The following MYO16 variants were observed in gnomAD, a reference collection of about 807,000 sequenced individuals.
MYO16 encodes the protein unconventional myosin-XVI.
A neutral mutation model predicts 205.3 loss-of-function variants in MYO16; 94 were observed. The ratio of observed to expected loss-of-function variants is 0.46; its 90% CI spans 0.39 to 0.54. The LOEUF (loss-of-function observed/expected upper bound fraction) is 0.54. MYO16 is among the 20% of genes least tolerant of loss of function. The pLI is 0.00. For synonymous variants in MYO16, 988 were observed against 954.0 expected (o/e 1.04, Z -0.66); for missense variants, 2,315 against 2,387.5 (o/e 0.97, Z 0.63).
At chr13:108,624,781 CTGAGTGTGTGTGTGTG>C (rs1298499591), upstream of MYO16, among the ~76,000 whole-genome samples, 13 of 121,632 alleles carry the variant, frequency 1.1e-4, no homozygotes, top group East Asian at 5.0e-4. Context: ...CCCATATAGC[CTGAGTGTGTGTGTGTG>C]TGTGTGTGTG....
upstream of MYO16, among the ~76,000 whole-genome samples, chr13:108,595,167 G>A (rs1397433500): frequency 1.3e-5 from 2 of 152,092 alleles, no homozygotes; most frequent in African/African-American, 2.4e-5. Context: ...TCTTAAATTA[G>A]CTCTAATTGT....
Position 109,125,163 on chromosome 13 carries a change from G to T in MYO16, c.3587G>T (p.Arg1196Ile). 6.2e-7 allele frequency: 1 copy of T among 1,614,146 alleles called. No individual in the cohort carries two copies. Among genetic ancestry groups the T allele is most frequent in the Non-Finnish European group, 8.5e-7 (1 of 1,180,008 alleles). Residue 1196 changes from arginine (R) to isoleucine (I), a missense_variant, in exon 30 of 35, where the codon AGA becomes ATA. Around this residue, in one of 3 missense-constraint regions of MYO16, gnomAD observed 1,097 missense variants for 1,092.0 expected, o/e 1.00. Transcript: ENST00000457511. The surrounding 1 kb of genome is among the most constrained non-coding windows in gnomAD (Gnocchi z 4.0). ...CACCTGCTTCAGAGAATAAGCATCA[G>T]ACAACAAGAGGTGACTTCTATCAAT... is the stretch of plus-strand genomic sequence containing the variant. ...RQHLLQRISI[R>I]QQEVTSINSF...
intron 4 of MYO16, among the ~76,000 whole-genome samples, chr13:108,735,288 T>A (rs1336868102): frequency 1.8e-5 from 2 of 108,572 alleles, no homozygotes; most frequent in East Asian, 3.3e-4. Flanking sequence ...CCGGCCCTGG[T>A]GTGTGATGTT....
chr13:108,968,975 C>T (rs1458152539), intron 20 of MYO16, among the ~76,000 whole-genome samples: 1 of 152,196 alleles, frequency 6.6e-6, no homozygotes, highest in Non-Finnish European at 1.5e-5. Flanking sequence ...TGTAAGAAAA[C>T]CTCAAGACTG....
chr13:108,690,673 C>T (rs772960523), intron 2 of MYO16, among the ~76,000 whole-genome samples: 6 of 152,048 alleles, frequency 3.9e-5, no homozygotes, highest in Non-Finnish European at 5.9e-5. Context: ...GTCTCCAGCA[C>T]TTTTTTGGGT....
chr13:109,149,541 A>C (rs1877535679), intron 32 of MYO16, among the ~76,000 whole-genome samples: 1 of 152,210 alleles, frequency 6.6e-6, no homozygotes, highest in African/African-American at 2.4e-5. Context: ...GAAAACAATA[A>C]AATTAAAATA....
intron 1 of MYO16, among the ~76,000 whole-genome samples, chr13:108,656,444 C>T (rs1272366460): frequency 1.3e-5 from 2 of 152,102 alleles, no homozygotes; most frequent in African/African-American, 4.8e-5. Flanking sequence ...TTATCAGCAA[C>T]ATGAAAATGG....
At chr13:109,014,809 A>G (rs538849331) in intron 22 of MYO16, among the ~76,000 whole-genome samples, 1 of 152,178 alleles carries the variant, frequency 6.6e-6, no homozygotes, top group Non-Finnish European at 1.5e-5. Flanking sequence ...TTGCACATTG[A>G]TTTTGTATCC....
chr13:109,141,327 G>C lies in MYO16; in HGVS notation c.5115G>C (p.Arg1705Ser). 1.3e-6 allele frequency: 2 copies of C among 1,570,368 alleles called. No individual in the cohort carries two copies. Among genetic ancestry groups the C allele is most frequent in the Non-Finnish European group, 1.7e-6 (2 of 1,161,834 alleles). The change falls in exon 32 of 35, where the codon AGG becomes AGC. Residue 1705 changes from arginine (R) to serine (S), a missense_variant. Arg to Ser is a moderately radical substitution (Grantham distance 110). Around this residue, in one of 3 missense-constraint regions of MYO16, gnomAD observed 1,097 missense variants for 1,092.0 expected, o/e 1.00. Coordinates refer to ENST00000457511, the MANE Select transcript of MYO16 (RefSeq NM_001198950.3). This position sits in a 1 kb window ranked among gnomAD's most constrained non-coding sequence, Gnocchi z 4.1. ...DELASLFNSG[R>S]SVLRKSAAGR... ...TCGCCAGCCTCTTCAACTCGGGGAG[G>C]AGTGTGCTTCGGAAATCCGCGGCGG...
At chr13:109,020,836 ACT>A (rs1885998984) in intron 23 of MYO16, among the ~76,000 whole-genome samples, 1 of 152,082 alleles carries the variant, frequency 6.6e-6, no homozygotes, top group Non-Finnish European at 1.5e-5. Flanking sequence ...GTGTTTCTAG[ACT>A]CTGCCTTATG....
At chr13:109,010,928 G>T (rs1247183010) in intron 22 of MYO16, among the ~76,000 whole-genome samples, 2 of 134,346 alleles carry the variant, frequency 1.5e-5, no homozygotes, top group African/African-American at 5.6e-5. Context: ...TTCTAGGGCT[G>T]CTCTCTATTA....
At chr13:109,156,535 G>A (rs1020174557) in intron 32 of MYO16, among the ~76,000 whole-genome samples, 8 of 152,230 alleles carry the variant, frequency 5.3e-5, no homozygotes, top group East Asian at 3.9e-4. Context: ...TTTCTCCTGC[G>A]TTACTGAAAC....
chr13:108,588,782 G>C, the MYO16 span, among the ~76,000 whole-genome samples: 1 of 152,014 alleles, frequency 6.6e-6, no homozygotes, highest in South Asian at 2.1e-4. Context: ...TTTTCCTCAG[G>C]TTGCATGATT....
At chr13:108,779,459 G>A (rs1886229800) in intron 4 of MYO16, 1 of 152,220 alleles carries the variant, frequency 6.6e-6, no homozygotes, top group Non-Finnish European at 1.5e-5. Flanking sequence ...CTTTGGGGAG[G>A]AGCCTTCTTG....
intron 23 of MYO16, among the ~76,000 whole-genome samples, chr13:109,037,312 A>G (rs1367526224): frequency 6.6e-6 from 1 of 152,172 alleles, no homozygotes; most frequent in Non-Finnish European, 1.5e-5. Flanking sequence ...GGTGCTGCGT[A>G]TAGATGCTGA....
intron 21 of MYO16, among the ~76,000 whole-genome samples, chr13:109,006,207 T>C (rs1045897329): frequency 3.9e-5 from 6 of 152,176 alleles, no homozygotes; most frequent in Non-Finnish European, 8.8e-5. Flanking sequence ...AAGTTCTTTC[T>C]TTTCTGGGCT....
At chr13:108,627,837 T>G (rs1182291260), upstream of MYO16, among the ~76,000 whole-genome samples, 1 of 152,170 alleles carries the variant, frequency 6.6e-6, no homozygotes, top group African/African-American at 2.4e-5. Context: ...TTTGTATACA[T>G]GCAGAGGCAT....
the MYO16 span, among the ~76,000 whole-genome samples, chr13:108,583,404 G>T: frequency 6.6e-6 from 1 of 152,164 alleles, no homozygotes; most frequent in Non-Finnish European, 1.5e-5. Flanking sequence ...CTTTACTTAG[G>T]CAGAAAAGCT....
chr13:108,538,011 A>T, the MYO16 span, among the ~76,000 whole-genome samples: 7 of 152,016 alleles, frequency 4.6e-5, no homozygotes, highest in South Asian at 1.2e-3. Flanking sequence ...GAAGCACTTT[A>T]GTTTAAGCCC....
Sources: allele counts gnomAD v4.1 joint callset (sites outside exome capture counted in the v4.1 genomes callset), GRCh38; gene constraint gnomAD v4.1.1; regional missense constraint gnomAD v4.1.1; non-coding constraint Gnocchi (gnomAD v3.1); transcripts MANE v1.5; gene names NCBI Gene and HGNC (gene_info 2026-07-23, HGNC 2026-07-21).